ITPR1: variants seen among roughly 807,000 people sequenced by gnomAD.
The protein encoded by ITPR1 is inositol 1,4,5-trisphosphate receptor type 1.
In ITPR1, 96 loss-of-function variants were observed where a neutral mutation model predicts 318.4. That is an observed-to-expected ratio of 0.30 (90% confidence interval 0.26 to 0.36). The LOEUF (loss-of-function observed/expected upper bound fraction) is 0.36. Ranked by LOEUF, ITPR1 falls within the 10% of genes least tolerant of loss-of-function variation. The pLI is 1.00. For missense variants in ITPR1, 2,440 were observed against 3,460.2 expected, an observed-to-expected ratio of 0.71 and a Z score of 7.40; for synonymous variants, 1,312 against 1,289.9, an observed-to-expected ratio of 1.02 and a Z score of -0.37.
intron 42 of ITPR1, among the ~76,000 whole-genome samples, chr3:4,729,314 A>G (rs750739482): frequency 5.3e-5 from 8 of 152,318 alleles, no homozygotes; most frequent in East Asian, 3.9e-4. Flanking sequence ...GAAGCCCTTA[A>G]CACAGTGGCT....
chr3:4,759,207 C>G (rs188858649), intron 44 of ITPR1, among the ~76,000 whole-genome samples: 100 of 152,356 alleles, frequency 6.6e-4, no homozygotes, highest in African/African-American at 2.2e-3. Context: ...CATAACCACG[C>G]TCCATGGCTT....
intron 4 of ITPR1, among the ~76,000 whole-genome samples, chr3:4,625,214 G>T (rs992821448): frequency 1.3e-5 from 2 of 150,792 alleles, no homozygotes; most frequent in African/African-American, 2.5e-5. Context: ...CTACAATTAA[G>T]TGATCTTTTT....
Position 4,596,230 on chromosome 3 carries a change from A to C in ITPR1, c.164-31533A>C, listed in dbSNP as rs550494329. ...TTCCTGATGAGCCAAGAATTAAGCAAAAGTTCCTTAGAGTTTATTGTAAAC... is the reference window on the plus strand; with the variant it reads ...TTCCTGATGAGCCAAGAATTAAGCACAAGTTCCTTAGAGTTTATTGTAAAC... On this transcript the variant is annotated intron_variant, in intron 4 of 61. Transcript: ENST00000649015. The C allele has an allele frequency of 7.2e-5, 11 of 152,354 alleles. No individual in the cohort carries two copies. The East Asian group carries it at 2.1e-3, about 29-fold the overall frequency. 9.4% of individuals were successfully genotyped at this position (152,354 alleles called of 1,614,324 possible). A position where few individuals can be genotyped will look rare whatever the true frequency, so the allele number is the denominator to read the frequency against.
In ITPR1 at chr3:4,836,459, A is replaced by C. The variant is rs1267957203; in HGVS notation, c.8029-315A>C. Among the ~76,000 whole-genome samples the C allele has an allele frequency of 2.6e-5, 4 of 152,226 alleles. No individual in the cohort carries two copies. In the East Asian group the frequency reaches 7.7e-4, roughly 29 times the overall value. On this transcript the variant is annotated intron_variant, in intron 60 of 61. Coordinates refer to ENST00000649015, the MANE Select transcript of ITPR1 (RefSeq NM_001378452.1). ...TTTAAAAAAACCAAACTCATCAGCC[A>C]TGTAATTTGCAAAGATCAGAGCAGC...
chr3:4,671,414 T>G (rs2125210026), intron 20 of ITPR1: 1 of 152,670 alleles, frequency 6.6e-6, no homozygotes, highest in Non-Finnish European at 1.5e-5. Context: ...TTTCTATAAC[T>G]ACACAAATAT....
At position 4,577,140 on chromosome 3, in the gene ITPR1, C is replaced by A. The variant is rs117495832; in HGVS notation, c.164-50623C>A. ...TGGTAGAGTTGCATTCCACAGACCC[C>A]CCTACTGAATACACTTTTATTGAAA... On this transcript the variant is annotated intron_variant, in intron 4 of 61. Transcript: ENST00000649015. Among the ~76,000 whole-genome samples the A allele has an allele frequency of 8.6e-4, 131 of 152,284 alleles. 3 individuals are homozygous for A. In the East Asian group the frequency reaches 0.022, roughly 25 times the overall value.
intron 46 of ITPR1, among the ~76,000 whole-genome samples, chr3:4,769,033 C>T (rs2046011645): frequency 6.6e-6 from 1 of 151,938 alleles, no homozygotes; most frequent in African/African-American, 2.4e-5. Context: ...CCTCAGCTTC[C>T]CAAGTAGCTA....
chr3:4,797,362 G>A (rs144941051), intron 53 of ITPR1, among the ~76,000 whole-genome samples: 1 of 152,140 alleles, frequency 6.6e-6, no homozygotes, highest in Non-Finnish European at 1.5e-5. Flanking sequence ...GTATTTCTTT[G>A]AGCTAATATG....
chr3:4,666,544 C>G (rs2093950034), intron 17 of ITPR1, among the ~76,000 whole-genome samples: 1 of 152,120 alleles, frequency 6.6e-6, no homozygotes, highest in African/African-American at 2.4e-5. Context: ...GATCCTTTAC[C>G]AGTTGGCAGA....
At chr3:4,828,079 G>A (rs1329721430) in intron 60 of ITPR1, among the ~76,000 whole-genome samples, 2 of 152,122 alleles carry the variant, frequency 1.3e-5, no homozygotes, top group African/African-American at 4.8e-5. Context: ...AGCTGAGATG[G>A]AACGTGGTTG....
At position 4,683,794 on chromosome 3, in the gene ITPR1, C is replaced by T. The variant is rs755486931; in HGVS notation, c.3494C>T (p.Thr1165Met). ...GASGENEHKK[T>M]EEGNNKPQKH... is the part of the protein sequence containing the mutation. Reference sequence around the variant, plus strand: ...TCTGGAGAAAATGAACATAAGAAAACGGAGGTGAGTGAAACACAAGTTATG... The same window carrying T: ...TCTGGAGAAAATGAACATAAGAAAATGGAGGTGAGTGAAACACAAGTTATG... The change falls in exon 28 of 62, where the codon ACG becomes ATG. Residue 1165 changes from threonine (T) to methionine (M), a missense_variant. By Grantham distance (81) the Thr-to-Met change is moderately conservative. Coordinates refer to ENST00000649015, the MANE Select transcript of ITPR1 (RefSeq NM_001378452.1). The T allele has an allele frequency of 3.1e-5, 50 of 1,612,958 alleles. No individual in the cohort carries two copies. The highest frequency in any genetic ancestry group is 1.7e-4 in the Admixed American group (10 of 59,894).
chr3:4,669,831 C>A, intron 19 of ITPR1, 58 bp downstream of exon 19: 1 of 1,487,150 alleles, frequency 6.7e-7, no homozygotes, highest in Non-Finnish European at 9.0e-7. Flanking sequence ...TGTTGGTGCT[C>A]ATGAGGAATA....
chr3:4,739,974 A>G (rs2043580223), intron 44 of ITPR1, among the ~76,000 whole-genome samples: 1 of 152,224 alleles, frequency 6.6e-6, no homozygotes, highest in Non-Finnish European at 1.5e-5. Context: ...CAGTGTTTCA[A>G]GAAGCAGGAA....
chr3:4,702,785 A>G lies in ITPR1; in HGVS notation c.4537-45A>G, dbSNP rs369493531. ...TCTGATCGGATCATCAGTAGTCTAC[A>G]AATAAAAATCTGTTTTTCACGTTGC... On this transcript the variant is annotated intron_variant, in intron 35 of 61. Transcript: ENST00000649015. 3 of 1,596,670 alleles carry G rather than the reference A, an allele frequency of 1.9e-6. No individual in the cohort carries two copies. The African/African-American group carries it at 4.0e-5, about 21-fold the overall frequency.
intron 37 of ITPR1, among the ~76,000 whole-genome samples, chr3:4,709,156 A>G (rs1194942393): frequency 2.0e-5 from 3 of 152,184 alleles, no homozygotes; most frequent in Admixed American, 6.5e-5. Flanking sequence ...TATGGGGGGA[A>G]CTGATAAGAG....
chr3:4,824,356 G>A (rs1188458728), intron 60 of ITPR1, among the ~76,000 whole-genome samples: 1 of 152,138 alleles, frequency 6.6e-6, no homozygotes, highest in Non-Finnish European at 1.5e-5. Flanking sequence ...TTTATAGATG[G>A]GAACCTAAAG....
Position 4,702,811 on chromosome 3 carries a change from C to T in ITPR1, c.4537-19C>T, listed in dbSNP as rs1471082538. 1 of 1,612,282 alleles carries T rather than the reference C, an allele frequency of 6.2e-7. No homozygotes were observed. Among genetic ancestry groups the T allele is most frequent in the South Asian group, 1.1e-5 (1 of 90,764 alleles). The stretch of plus-strand genomic sequence containing the variant: ...AATAAAAATCTGTTTTTCACGTTGC[C>T]TCTTTTGGCTTCTTGCAGACTCGCC... On this transcript the variant is annotated intron_variant, in intron 35 of 61. Coordinates refer to ENST00000649015, the MANE Select transcript of ITPR1 (RefSeq NM_001378452.1).
At chr3:4,789,556 G>A (rs1389834260) in intron 52 of ITPR1, among the ~76,000 whole-genome samples, 1 of 152,152 alleles carries the variant, frequency 6.6e-6, no homozygotes, top group Non-Finnish European at 1.5e-5. Flanking sequence ...CCTTCACTGG[G>A]ATATTCCATC....
chr3:4,671,206 G>T (rs137924408), intron 20 of ITPR1, among the ~76,000 whole-genome samples: 1 of 152,298 alleles, frequency 6.6e-6, no homozygotes, highest in Non-Finnish European at 1.5e-5. Context: ...TGGTAGGTAC[G>T]TAAGAGGCAG....
Sources: allele counts gnomAD v4.1 joint callset (sites outside exome capture counted in the v4.1 genomes callset), GRCh38; gene constraint gnomAD v4.1.1; transcripts MANE v1.5; gene names NCBI Gene and HGNC (gene_info 2026-07-23, HGNC 2026-07-21).